The following ARHGAP24 variants were observed in gnomAD, a reference collection of about 807,000 sequenced individuals.
The protein encoded by ARHGAP24 is rho GTPase-activating protein 24.
ARHGAP24 carries 50 observed loss-of-function variants against 76.4 expected under a neutral mutation model. The observed-to-expected ratio is 0.65, with a 90% confidence interval of 0.52 to 0.83. The LOEUF is 0.83. ARHGAP24 is among the 40% of genes least tolerant of loss of function. The pLI is 0.00. For missense variants in ARHGAP24, 930 were observed against 914.2 expected (o/e 1.02, Z -0.22); for synonymous variants, 345 against 323.3 (o/e 1.07, Z -0.72).
intron 3 of ARHGAP24, among the ~76,000 whole-genome samples, chr4:85,919,492 T>C (rs1480159695): frequency 6.6e-6 from 1 of 152,144 alleles, no homozygotes; most frequent in African/African-American, 2.4e-5. Flanking sequence ...CAAAGAATCA[T>C]ACAAAAACTT....
intron 3 of ARHGAP24, among the ~76,000 whole-genome samples, chr4:85,757,995 G>T (rs113422328): frequency 0.025 from 3,762 of 152,050 alleles, 155 homozygotes; most frequent in African/African-American, 0.086. Context: ...TCACGTGTCT[G>T]TTGGCTAATG....
chr4:85,540,189 T>C (rs1201318113), intron 1 of ARHGAP24, among the ~76,000 whole-genome samples: 1 of 152,154 alleles, frequency 6.6e-6, no homozygotes, highest in Non-Finnish European at 1.5e-5. Context: ...TTAGAGGATT[T>C]ATTTTTAAAA....
At chr4:85,985,533 G>A (rs1192013711) in intron 8 of ARHGAP24, among the ~76,000 whole-genome samples, 2 of 152,020 alleles carry the variant, frequency 1.3e-5, no homozygotes, top group East Asian at 3.9e-4. Context: ...CGGGTACTAA[G>A]CTTCATACCT....
chr4:85,624,154 T>C (rs982751206), intron 2 of ARHGAP24, among the ~76,000 whole-genome samples: 31 of 152,206 alleles, frequency 2.0e-4, no homozygotes, highest in African/African-American at 7.2e-4. Flanking sequence ...AGGGCATCCC[T>C]GTCTTGTGCC....
intron 2 of ARHGAP24, among the ~76,000 whole-genome samples, chr4:85,641,651 C>A (rs917607562): frequency 1.2e-4 from 19 of 152,196 alleles, no homozygotes; most frequent in Non-Finnish European, 2.5e-4. Context: ...GCTGGGGTTC[C>A]CCCAAATCTC....
In ARHGAP24 at chr4:85,994,804, A is replaced by C; in HGVS notation, c.1150A>C (p.Arg384=). The change falls in exon 9 of 10, where the codon AGA becomes CGA. Residue 384 remains arginine (R), a synonymous_variant. Coordinates refer to ENST00000395184, the MANE Select transcript of ARHGAP24 (RefSeq NM_001025616.3). ...CSWDKSESPQ[R]SSMNNGSPTA... ...CTGGGACAAGTCTGAGTCACCCCAGAGAAGCAGCATGAACAATGGATCCCC... is the reference window on the plus strand; with the variant it reads ...CTGGGACAAGTCTGAGTCACCCCAGCGAAGCAGCATGAACAATGGATCCCC... The C allele has an allele frequency of 6.2e-7, 1 of 1,614,136 alleles. No homozygotes were observed. Among genetic ancestry groups the C allele is most frequent in the Non-Finnish European group, 8.5e-7 (1 of 1,180,008 alleles).
chr4:85,532,666 C>T (rs1490680690), intron 1 of ARHGAP24, among the ~76,000 whole-genome samples: 5 of 152,118 alleles, frequency 3.3e-5, no homozygotes, highest in South Asian at 2.1e-4. Flanking sequence ...CGTGAACATT[C>T]GAGCAGTTAT....
intron 3 of ARHGAP24, among the ~76,000 whole-genome samples, chr4:85,809,512 G>A (rs1037764208): frequency 1.1e-4 from 16 of 152,166 alleles, no homozygotes; most frequent in Admixed American, 5.9e-4. Flanking sequence ...ATAATATAAC[G>A]GAATATATTA....
At chr4:85,620,692 T>C (rs777418540) in intron 2 of ARHGAP24, among the ~76,000 whole-genome samples, 2 of 151,912 alleles carry the variant, frequency 1.3e-5, no homozygotes, top group Non-Finnish European at 2.9e-5. Flanking sequence ...CTACAAACTT[T>C]GGGCTTAAGT....
chr4:85,579,778 A>G (rs1017140673), intron 2 of ARHGAP24, among the ~76,000 whole-genome samples: 2 of 152,130 alleles, frequency 1.3e-5, no homozygotes, highest in African/African-American at 4.8e-5. Context: ...GTAACATGCT[A>G]TCAGTACTTT....
intron 1 of ARHGAP24, among the ~76,000 whole-genome samples, chr4:85,492,022 C>CTTTTTTTTTTTTTTTTTTTTTTTTTTT (rs1560507162): frequency 6.6e-6 from 1 of 151,758 alleles, no homozygotes; most frequent in African/African-American, 2.4e-5. Flanking sequence ...CATTTTGGTT[C>CTTTTTTTTTTTTTTTTTTTTTTTTTTT]TTTTTATTTC....
intron 2 of ARHGAP24, among the ~76,000 whole-genome samples, chr4:85,622,806 A>G (rs1051716741): frequency 2.0e-5 from 3 of 152,178 alleles, no homozygotes; most frequent in South Asian, 2.1e-4. Flanking sequence ...GTGTGAGATG[A>G]TATCTCATTG....
chr4:85,782,487 G>A (rs927009963), intron 3 of ARHGAP24, among the ~76,000 whole-genome samples: 1 of 152,134 alleles, frequency 6.6e-6, no homozygotes, highest in Non-Finnish European at 1.5e-5. Context: ...CACCTTATAA[G>A]GGTGCTTCTT....
At chr4:85,905,461 C>T (rs1431924812) in intron 3 of ARHGAP24, among the ~76,000 whole-genome samples, 1 of 152,136 alleles carries the variant, frequency 6.6e-6, no homozygotes, top group African/African-American at 2.4e-5. Context: ...ATACTCACTT[C>T]CCCATGTTTC....
chr4:85,487,703 T>TATTA (rs1241984639), intron 1 of ARHGAP24, among the ~76,000 whole-genome samples: 2 of 100,630 alleles, frequency 2.0e-5, no homozygotes, highest in East Asian at 2.5e-4. Context: ...TATATATTTA[T>TATTA]TATATTATAT....
intron 3 of ARHGAP24, among the ~76,000 whole-genome samples, chr4:85,846,589 C>G (rs1197842489): frequency 6.6e-6 from 1 of 152,182 alleles, no homozygotes; most frequent in South Asian, 2.1e-4. Flanking sequence ...TTAATTCTCA[C>G]CTAATGGTGA....
At chr4:85,959,746 T>C (rs1238185610) in intron 5 of ARHGAP24, among the ~76,000 whole-genome samples, 1 of 152,174 alleles carries the variant, frequency 6.6e-6, no homozygotes, top group Non-Finnish European at 1.5e-5. Flanking sequence ...CATATCTATG[T>C]TTAACATTTG....
chr4:85,616,064 G>C (rs116314215), intron 2 of ARHGAP24, among the ~76,000 whole-genome samples: 3 of 152,190 alleles, frequency 2.0e-5, no homozygotes, highest in Non-Finnish European at 4.4e-5. Context: ...ATCAGACACT[G>C]GAGAACTTAG....
At chr4:85,792,529 TTTC>T (rs1301685143) in intron 3 of ARHGAP24, among the ~76,000 whole-genome samples, 1 of 152,178 alleles carries the variant, frequency 6.6e-6, no homozygotes, top group Non-Finnish European at 1.5e-5. Flanking sequence ...ATTTTTTTCA[TTTC>T]TTGCATTTGT....
Sources: allele counts gnomAD v4.1 joint callset (sites outside exome capture counted in the v4.1 genomes callset), GRCh38; gene constraint gnomAD v4.1.1; transcripts MANE v1.5; gene names NCBI Gene and HGNC (gene_info 2026-07-23, HGNC 2026-07-21).